PARVA: variants seen among roughly 807,000 people sequenced by gnomAD.
The protein encoded by PARVA is parvin alpha, also known as alpha-parvin.
A neutral mutation model predicts 52.6 loss-of-function variants in PARVA; 25 were observed. The ratio of observed to expected loss-of-function variants is 0.48; its 90% CI spans 0.35 to 0.66. PARVA has a LOEUF of 0.66. PARVA is among the 30% of genes least tolerant of loss of function. The pLI is 0.01. For synonymous variants in PARVA, 185 were observed against 179.1 expected (o/e 1.03, Z -0.26); for missense variants, 373 against 450.9 (o/e 0.83, Z 1.56).
At position 12,518,426 on chromosome 11, in the gene PARVA, T is replaced by C; in HGVS notation, c.970-19T>C. On this transcript the variant is annotated intron_variant, in intron 11 of 12. Transcript: ENST00000334956. Reference sequence around the variant, plus strand: ...CCTGGGTGTGCAATGGTACATGCTGTCTGCATCTCTCTTGCCAGGTCTTGA... The same window carrying C: ...CCTGGGTGTGCAATGGTACATGCTGCCTGCATCTCTCTTGCCAGGTCTTGA... 1.9e-6 allele frequency: 3 copies of C among 1,605,910 alleles called. No homozygotes were observed. The highest frequency in any genetic ancestry group is 1.3e-5 in the African/African-American group (1 of 74,878).
intron 1 of PARVA, among the ~76,000 whole-genome samples, chr11:12,464,128 A>G (rs1402148260): frequency 1.3e-5 from 2 of 152,120 alleles, no homozygotes; most frequent in Non-Finnish European, 2.9e-5. Flanking sequence ...TCTGGGCTCT[A>G]TGTACATTCA....
chr11:12,411,921 T>G (rs1042063261), intron 1 of PARVA, among the ~76,000 whole-genome samples: 2 of 152,168 alleles, frequency 1.3e-5, no homozygotes, highest in African/African-American at 4.8e-5. Context: ...CACCCCCAGC[T>G]TCTCAGCATT....
At chr11:12,503,956 A>G in intron 5 of PARVA, among the ~76,000 whole-genome samples, 1 of 152,198 alleles carries the variant, frequency 6.6e-6, no homozygotes, top group East Asian at 1.9e-4. Context: ...CCTTTTACTC[A>G]TGGCAGGAGG....
intron 1 of PARVA, among the ~76,000 whole-genome samples, chr11:12,464,730 C>T (rs776080951): frequency 9.9e-5 from 15 of 152,078 alleles, no homozygotes; most frequent in Non-Finnish European, 1.8e-4. Context: ...GAATATTTGT[C>T]GCCTCTGAAA....
intron 12 of PARVA, among the ~76,000 whole-genome samples, chr11:12,526,651 T>C (rs959567099): frequency 1.3e-5 from 2 of 152,196 alleles, no homozygotes; most frequent in Non-Finnish European, 2.9e-5. Context: ...AACCTCTCCC[T>C]TCTCCCTAAA....
intron 1 of PARVA, among the ~76,000 whole-genome samples, chr11:12,415,557 G>A (rs1589949075): frequency 6.6e-6 from 1 of 152,090 alleles, no homozygotes; most frequent in East Asian, 1.9e-4. Context: ...AGAAACAATG[G>A]CCAGACTTTA....
At chr11:12,426,722 G>A (rs1037457939) in intron 1 of PARVA, among the ~76,000 whole-genome samples, 8 of 152,282 alleles carry the variant, frequency 5.3e-5, no homozygotes, top group African/African-American at 1.9e-4. Flanking sequence ...TCACCAGGTT[G>A]TCTTGTGCCT....
intron 4 of PARVA, among the ~76,000 whole-genome samples, chr11:12,482,018 A>C (rs1941093927): frequency 6.6e-6 from 1 of 151,700 alleles, no homozygotes; most frequent in Non-Finnish European, 1.5e-5. Context: ...AAATACAAAA[A>C]ATTAGCCGGG....
intron 1 of PARVA, among the ~76,000 whole-genome samples, chr11:12,397,849 G>A (rs1198539876): frequency 6.6e-6 from 1 of 150,406 alleles, no homozygotes; most frequent in African/African-American, 2.5e-5. Flanking sequence ...CAACTTTGAG[G>A]ATAAACATTT....
At chr11:12,515,177 C>A (rs1020688212) in intron 10 of PARVA, among the ~76,000 whole-genome samples, 3 of 152,182 alleles carry the variant, frequency 2.0e-5, no homozygotes, top group Non-Finnish European at 2.9e-5. Flanking sequence ...AGTTATTTTT[C>A]CTCTCTTTAT....
chr11:12,395,105 A>G lies in PARVA; in HGVS notation c.136+17322A>G, dbSNP rs367573492. Among the ~76,000 whole-genome samples, 13 of 148,998 alleles carry G rather than the reference A, an allele frequency of 8.7e-5. No homozygotes were observed. The East Asian group carries it at 1.2e-3, about 13-fold the overall frequency. Reference sequence around the variant, plus strand: ...AAACTCCATCTCAAAAAAAAAAAAAAAAAGAAAGAAGAGGCCCTATGGAAG... The same window carrying G: ...AAACTCCATCTCAAAAAAAAAAAAAGAAAGAAAGAAGAGGCCCTATGGAAG... On this transcript the variant is annotated intron_variant, in intron 1 of 12. Coordinates refer to ENST00000334956, the MANE Select transcript of PARVA (RefSeq NM_018222.5).
intron 4 of PARVA, chr11:12,478,249 G>A (rs1941042092): frequency 1.6e-5 from 7 of 425,702 alleles, no homozygotes; most frequent in Non-Finnish European, 2.2e-5. Context: ...GCACGCCTCC[G>A]CCTCTCCAGA....
intron 1 of PARVA, among the ~76,000 whole-genome samples, chr11:12,451,937 C>CA (rs150566303): frequency 0.011 from 1,690 of 152,194 alleles, 47 homozygotes; most frequent in African/African-American, 0.038. Context: ...TCATGGGTAG[C>CA]ATAGTAATTA....
chr11:12,487,152 C>G (rs1231306609), intron 4 of PARVA, among the ~76,000 whole-genome samples: 2 of 152,064 alleles, frequency 1.3e-5, no homozygotes, highest in Admixed American at 6.5e-5. Context: ...TAGAGTAAAC[C>G]AGGCTGATTC....
chr11:12,427,138 ATATAG>A (rs1000253884), intron 1 of PARVA, among the ~76,000 whole-genome samples: 2 of 152,238 alleles, frequency 1.3e-5, no homozygotes, highest in African/African-American at 4.8e-5. Flanking sequence ...ATTTTAATTA[ATATAG>A]TAGAGCTACT....
rs112786853 is a variant in PARVA, at chr11:12,436,878, C to T, written c.137-36867C>T. Among the ~76,000 whole-genome samples the T allele has an allele frequency of 6.8e-4, 104 of 152,294 alleles. 1 individual carries two copies. The highest frequency in any genetic ancestry group is 2.5e-3 in the African/African-American group (102 of 41,576). ...GATGAGAGCAAAAGTGGCTTAAGAA[C>T]AACTCCAGAGTTTCAATGAAACTTG... On this transcript the variant is annotated intron_variant, in intron 1 of 12. Coordinates refer to ENST00000334956, the MANE Select transcript of PARVA (RefSeq NM_018222.5).
Position 12,504,473 on chromosome 11 carries a change from G to T in PARVA, c.657+44G>T, listed in dbSNP as rs369128672. On this transcript the variant is annotated intron_variant, in intron 6 of 12. Transcript: ENST00000334956. ...CAAACATCTGTGTCTTTAAAGAGTC[G>T]TGGAGGTCGAGTTCCTATGGTGCGT... 7 of 1,266,262 alleles carry T rather than the reference G, an allele frequency of 5.5e-6. No homozygotes were observed. In the East Asian group the frequency reaches 1.6e-4, roughly 30 times the overall value. 78.4% of individuals were successfully genotyped at this position (1,266,262 alleles called of 1,614,324 possible).
intron 1 of PARVA, among the ~76,000 whole-genome samples, chr11:12,465,145 G>A (rs1248235852): frequency 1.3e-5 from 2 of 152,072 alleles, no homozygotes; most frequent in African/African-American, 2.4e-5. Context: ...ACTGGTCCAC[G>A]TTCTAGTTCA....
chr11:12,522,798 AAAAAC>A (rs1468812588), intron 12 of PARVA, among the ~76,000 whole-genome samples: 4 of 151,948 alleles, frequency 2.6e-5, no homozygotes, highest in South Asian at 2.1e-4. Flanking sequence ...TTAAAAAAAA[AAAAAC>A]AGACAGCTCA....
Sources: gnomAD v4.1 joint callset for allele counts (sites outside exome capture counted in the v4.1 genomes callset) on GRCh38, gnomAD v4.1.1 for gene constraint, MANE v1.5 for transcripts, NCBI Gene and HGNC (gene_info 2026-07-23, HGNC 2026-07-21) for gene names.